The following TCF12 variants were observed in gnomAD, a reference collection of about 807,000 sequenced individuals.
TCF12 encodes the protein DNA-binding protein HTF4.
TCF12 carries 45 observed loss-of-function variants against 86.0 expected under a neutral mutation model. The ratio of observed to expected loss-of-function variants is 0.52; its 90% CI spans 0.41 to 0.67. The LOEUF is 0.67. Ranked by LOEUF, TCF12 falls within the 30% of genes least tolerant of loss-of-function variation. TCF12 has a pLI of 0.00. For missense variants in TCF12, 881 were observed against 859.9 expected, an observed-to-expected ratio of 1.02 and a Z score of -0.31; for synonymous variants, 330 against 299.6, an observed-to-expected ratio of 1.10 and a Z score of -1.05.
intron 4 of TCF12, among the ~76,000 whole-genome samples, chr15:57,073,222 G>A (rs921593871): frequency 1.3e-5 from 2 of 152,048 alleles, no homozygotes; most frequent in East Asian, 1.9e-4. Context: ...AATCTTTATA[G>A]TTTTCTTTTT....
chr15:57,227,233 A>C (rs1323437899), intron 8 of TCF12, among the ~76,000 whole-genome samples: 2 of 152,106 alleles, frequency 1.3e-5, no homozygotes, highest in Non-Finnish European at 2.9e-5. Flanking sequence ...GCTTCTTTGC[A>C]TTTTTTCTCA....
At chr15:56,976,366 A>G (rs987822207) in intron 3 of TCF12, among the ~76,000 whole-genome samples, 3 of 150,468 alleles carry the variant, frequency 2.0e-5, no homozygotes, top group African/African-American at 4.9e-5. Flanking sequence ...AAGTAGCTGG[A>G]AGTACAGGCG....
At chr15:57,064,745 A>G (rs1292058561) in intron 4 of TCF12, among the ~76,000 whole-genome samples, 3 of 147,350 alleles carry the variant, frequency 2.0e-5, no homozygotes, top group Non-Finnish European at 4.4e-5. Context: ...GCAGTGAGCC[A>G]AGATCATGCC....
At chr15:57,163,973 C>A (rs548095484) in intron 5 of TCF12, among the ~76,000 whole-genome samples, 50 of 152,200 alleles carry the variant, frequency 3.3e-4, no homozygotes, top group African/African-American at 1.2e-3. Flanking sequence ...TTTCAGAGAA[C>A]AACTTCATTC....
intron 8 of TCF12, among the ~76,000 whole-genome samples, chr15:57,224,282 A>G (rs1484278741): frequency 6.6e-6 from 1 of 152,126 alleles, no homozygotes; most frequent in Non-Finnish European, 1.5e-5. Context: ...TGTTCAGTAT[A>G]TTATCCTAGC....
chr15:57,252,438 G>A lies in TCF12; in HGVS notation c.1206G>A (p.Gln402=), dbSNP rs1178576184. The A allele has an allele frequency of 3.1e-6, 5 of 1,613,932 alleles. No homozygotes were observed. Among genetic ancestry groups the A allele is most frequent in the South Asian group, 1.1e-5 (1 of 91,056 alleles). Residue 402 remains glutamine (Q), a synonymous_variant, in exon 15 of 21, where the codon CAG becomes CAA. Transcript: ENST00000333725. ...TTTGCCAGAAAAATCGAGTTGAGCA[G>A]CAACTTCACGAGCATTTGCAAGATG... ...SLHSLKNRVE[Q]QLHEHLQDAM...
intron 3 of TCF12, among the ~76,000 whole-genome samples, chr15:56,958,682 T>A (rs200593558): frequency 4.7e-3 from 163 of 34,464 alleles, no homozygotes; most frequent in Non-Finnish European, 0.014. Flanking sequence ...AGAGAGAGTG[T>A]GTGTGTGTGT....
intron 8 of TCF12, among the ~76,000 whole-genome samples, chr15:57,226,147 T>G (rs1364387103): frequency 6.6e-6 from 1 of 151,810 alleles, no homozygotes; most frequent in Non-Finnish European, 1.5e-5. Flanking sequence ...AATTACAGTT[T>G]TTTAATATAG....
At chr15:57,240,878 T>TTAA (rs2059588306) in intron 12 of TCF12, among the ~76,000 whole-genome samples, 1 of 6,292 alleles carries the variant, frequency 1.6e-4, no homozygotes. Flanking sequence ...AGACCCTGTC[T>TTAA]CAAAAAAAAA....
chr15:57,284,856 C>T (rs1271898322), intron 20 of TCF12, among the ~76,000 whole-genome samples: 1 of 152,218 alleles, frequency 6.6e-6, no homozygotes, highest in Non-Finnish European at 1.5e-5. Flanking sequence ...TCATACTGCT[C>T]TCATAGCTCT....
intron 12 of TCF12, among the ~76,000 whole-genome samples, chr15:57,235,251 A>G (rs2059332603): frequency 1.3e-5 from 2 of 152,232 alleles, no homozygotes; most frequent in Non-Finnish European, 2.9e-5. Context: ...ATGCGCACCT[A>G]TACTGAGCAT....
At chr15:57,274,398 A>G (rs1282362540) in intron 19 of TCF12, among the ~76,000 whole-genome samples, 1 of 152,244 alleles carries the variant, frequency 6.6e-6, no homozygotes, top group African/African-American at 2.4e-5. Context: ...AATGTTAAAA[A>G]TGGATACTTG....
At chr15:57,125,109 C>G (rs2051542950) in intron 5 of TCF12, among the ~76,000 whole-genome samples, 1 of 152,136 alleles carries the variant, frequency 6.6e-6, no homozygotes, top group African/African-American at 2.4e-5. Context: ...GGTGATGATA[C>G]AGATCCCACT....
rs59799036 is a variant in TCF12 at position 57,166,145 on chromosome 15, G to T, written c.326-257G>T. ...TTGCCCACGCTAGTCTTGAGCTACT[G>T]GACTAAAGCAGTCCTCCCACCTCAG... is the stretch of plus-strand genomic sequence containing the variant. On this transcript the variant is annotated intron_variant, in intron 5 of 20. Transcript: ENST00000333725. Among the ~76,000 whole-genome samples, 7,747 of 151,608 alleles carry T rather than the reference G, an allele frequency of 0.051. 358 individuals carry two copies. Among genetic ancestry groups the T allele is most frequent in the African/African-American group, 0.13 (5,220 of 41,314 alleles).
chr15:57,146,720 G>T (rs2053388980), intron 5 of TCF12, among the ~76,000 whole-genome samples: 1 of 152,122 alleles, frequency 6.6e-6, no homozygotes, highest in Admixed American at 6.5e-5. Flanking sequence ...TTCCTCTAAA[G>T]CTGTAATACT....
chr15:57,021,168 A>G (rs2065455179), intron 3 of TCF12, among the ~76,000 whole-genome samples: 2 of 152,206 alleles, frequency 1.3e-5, no homozygotes, highest in Non-Finnish European at 1.5e-5. Context: ...CTTTTCAGAT[A>G]TGGAAGGTGT....
intron 8 of TCF12, among the ~76,000 whole-genome samples, chr15:57,198,446 TA>T (rs1250301797): frequency 6.6e-6 from 1 of 152,184 alleles, no homozygotes; most frequent in Non-Finnish European, 1.5e-5. Flanking sequence ...CCTTTGAGAA[TA>T]AAGGGCTTTG....
intron 3 of TCF12, among the ~76,000 whole-genome samples, chr15:56,921,918 A>G (rs1423704017): frequency 6.6e-6 from 1 of 152,062 alleles, no homozygotes; most frequent in Non-Finnish European, 1.5e-5. Context: ...ATTAAAATTC[A>G]TTTTTAATTA....
intron 13 of TCF12, among the ~76,000 whole-genome samples, chr15:57,243,798 G>A (rs1461251848): frequency 2.0e-5 from 3 of 152,154 alleles, no homozygotes; most frequent in African/African-American, 4.8e-5. Flanking sequence ...TCTAAGAACA[G>A]TAGTTACAAC....
Sources: allele counts gnomAD v4.1 joint callset (sites outside exome capture counted in the v4.1 genomes callset), GRCh38; gene constraint gnomAD v4.1.1; transcripts MANE v1.5; gene names NCBI Gene and HGNC (gene_info 2026-07-23, HGNC 2026-07-21).